CHD1L: variants seen among roughly 807,000 people sequenced by gnomAD.
CHD1L encodes ATP-dependent chromatin remodeler CHD1L.
A neutral mutation model predicts 115.9 loss-of-function variants in CHD1L; 118 were observed. The observed-to-expected ratio is 1.02, with a 90% CI of 0.88 to 1.19. The LOEUF (loss-of-function observed/expected upper bound fraction) is 1.19. Ranked by LOEUF, CHD1L falls within the 50% of genes most tolerant of loss-of-function variation. The probability of loss-of-function intolerance (pLI) is 0.00; values close to 1 mark genes in which losing one functional copy is unlikely to be tolerated. For missense variants in CHD1L, 1,179 were observed against 1,065.3 expected, an observed-to-expected ratio of 1.11 and a Z score of -1.49; for synonymous variants, 411 against 387.1, an observed-to-expected ratio of 1.06 and a Z score of -0.72.
chr1:147,195,670 TA>T, the CHD1L span, among the ~76,000 whole-genome samples: 2 of 152,146 alleles, frequency 1.3e-5, no homozygotes, highest in Non-Finnish European at 2.9e-5. Context: ...ATGCTAAGCT[TA>T]AACAATTAGT....
At chr1:147,229,922 G>C in the CHD1L span, among the ~76,000 whole-genome samples, 3 of 151,084 alleles carry the variant, frequency 2.0e-5, no homozygotes, top group Non-Finnish European at 2.9e-5. Flanking sequence ...GAGACAATGG[G>C]GTTTTCTAGA....
At chr1:147,200,628 G>A in the CHD1L span, among the ~76,000 whole-genome samples, 1 of 151,080 alleles carries the variant, frequency 6.6e-6, no homozygotes, top group Non-Finnish European at 1.5e-5. Context: ...AAAACTGAAA[G>A]AGGGGACATA....
chr1:147,276,275 G>A lies in CHD1L; in HGVS notation c.1539+18G>A, dbSNP rs371207172. ...ACCTCCAGGTATGATATGATATACT[G>A]TTCTTCACTTTGGAATATACCAATA... is the stretch of plus-strand genomic sequence containing the variant. On this transcript the variant is annotated intron_variant, in intron 14 of 22. Coordinates refer to ENST00000369258, the MANE Select transcript of CHD1L (RefSeq NM_004284.6). 9.9e-5 allele frequency: 159 copies of A among 1,613,618 alleles called. No individual in the cohort carries two copies. The African/African-American group carries it at 1.9e-3, about 19-fold the overall frequency.
chr1:147,211,262 T>C, the CHD1L span: 4 of 152,240 alleles, frequency 2.6e-5, no homozygotes, highest in South Asian at 8.3e-4. Context: ...AAGCCAATGA[T>C]ATTAAAGATG....
chr1:147,275,887 C>A (rs1678240226), intron 13 of CHD1L, among the ~76,000 whole-genome samples: 1 of 151,906 alleles, frequency 6.6e-6, no homozygotes, highest in East Asian at 1.9e-4. Context: ...TCATGGTTAC[C>A]CCATCATTCT....
intron 4 of CHD1L, 49 bp from the exon 5 acceptor site, chr1:147,256,482 C>T: frequency 6.6e-7 from 1 of 1,513,610 alleles, no homozygotes; most frequent in Non-Finnish European, 9.2e-7. Context: ...TTATCAATAT[C>T]AGAGTTTATC....
At chr1:147,209,226 T>C in the CHD1L span, among the ~76,000 whole-genome samples, 274 of 152,194 alleles carry the variant, frequency 1.8e-3, no homozygotes, top group Non-Finnish European at 3.0e-3. Context: ...GAGACCATCC[T>C]GGCTAACACA....
At chr1:147,187,229 G>A in the CHD1L span, 66 of 1,607,822 alleles carry the variant, frequency 4.1e-5, no homozygotes, top group African/African-American at 2.0e-4. Flanking sequence ...ATGGTATGGC[G>A]TTGGCTCTCC....
rs1668054718 is a variant in CHD1L at position 147,250,452 on chromosome 1, T to TCCA, written c.128-2169_128-2167dup. On this transcript the variant is annotated intron_variant, in intron 1 of 22. Transcript: ENST00000369258. ...GTCCAGGCTCCCCCTTCAGCCTCTGTCCACATCTGGGGATTGGGAAGGGGC... is the reference window on the plus strand; with the variant it reads ...GTCCAGGCTCCCCCTTCAGCCTCTGTCCACCACATCTGGGGATTGGGAAGGGGC... Among the ~76,000 whole-genome samples the TCCA allele has an allele frequency of 2.0e-5, 3 of 152,154 alleles. No individual in the cohort carries two copies. In the South Asian group the frequency reaches 6.2e-4, roughly 32 times the overall value.
At chr1:147,188,622 T>A in the CHD1L span, among the ~76,000 whole-genome samples, 1 of 150,600 alleles carries the variant, frequency 6.6e-6, no homozygotes, top group Admixed American at 6.6e-5. Flanking sequence ...AATAAACTCA[T>A]ATAAAACAAT....
intron 18 of CHD1L, 121 bp downstream of exon 18, chr1:147,286,621 G>A: frequency 1.2e-6 from 1 of 860,334 alleles, no homozygotes; most frequent in Non-Finnish European, 1.8e-6. Flanking sequence ...AGTCAAAAAA[G>A]TGTGAATTTT....
the CHD1L span, chr1:147,173,375 G>C: frequency 6.6e-6 from 1 of 152,304 alleles, no homozygotes; most frequent in Admixed American, 6.5e-5. Context: ...TGGGGTCGCA[G>C]GGAAGAATTC....
At chr1:147,291,407 A>G (rs10900333) in intron 19 of CHD1L, 75 bp from the exon 20 acceptor site, 324,121 of 1,256,294 alleles carry the variant, frequency 0.26, 44,394 homozygotes, top group South Asian at 0.28. Flanking sequence ...AATTTGAAGA[A>G]GGCGAGATAC....
chr1:147,264,330 CCT>C (rs1169549191), intron 6 of CHD1L, 90 bp from the exon 7 acceptor site: 6 of 1,145,262 alleles, frequency 5.2e-6, no homozygotes, highest in Non-Finnish European at 7.4e-6. Flanking sequence ...TTAAATCATG[CCT>C]CTCTCTGTGT....
At chr1:147,189,253 A>C in the CHD1L span, among the ~76,000 whole-genome samples, 16 of 149,112 alleles carry the variant, frequency 1.1e-4, no homozygotes, top group Non-Finnish European at 3.0e-5. Flanking sequence ...AGCCTGAGTG[A>C]CAGAGTGAGA....
intron 9 of CHD1L, among the ~76,000 whole-genome samples, chr1:147,267,833 T>C (rs1319006764): frequency 1.3e-5 from 2 of 152,218 alleles, no homozygotes; most frequent in African/African-American, 4.8e-5. Context: ...TTTTTTTCTT[T>C]CATTACATGA....
At chr1:147,238,637 A>C (rs1472928062), upstream of CHD1L, among the ~76,000 whole-genome samples, 7 of 152,188 alleles carry the variant, frequency 4.6e-5, no homozygotes, top group Non-Finnish European at 1.0e-4. Context: ...CACAGAAAAC[A>C]CTGGACCAGC....
At chr1:147,219,769 A>G in the CHD1L span, among the ~76,000 whole-genome samples, 1 of 151,812 alleles carries the variant, frequency 6.6e-6, no homozygotes, top group Non-Finnish European at 1.5e-5. Context: ...AAAAAAGAAA[A>G]AAACTCCTAG....
At chr1:147,219,162 C>T in the CHD1L span, among the ~76,000 whole-genome samples, 1 of 152,118 alleles carries the variant, frequency 6.6e-6, no homozygotes, top group African/African-American at 2.4e-5. Flanking sequence ...TGTGCAGGAA[C>T]ATTAAAAATG....
Sources: gnomAD v4.1 joint callset for allele counts (sites outside exome capture counted in the v4.1 genomes callset) on GRCh38, gnomAD v4.1.1 for gene constraint, MANE v1.5 for transcripts, NCBI Gene and HGNC (gene_info 2026-07-23, HGNC 2026-07-21) for gene names.